The following FHDC1 variants were observed in gnomAD, a reference collection of about 807,000 sequenced individuals.
FHDC1 encodes the protein FH2 domain containing 1.
FHDC1 carries 25 observed loss-of-function variants against 52.6 expected under a neutral mutation model. That is an observed-to-expected ratio of 0.48 (90% CI 0.35 to 0.66). The LOEUF is 0.66. FHDC1 is among the 30% of genes least tolerant of loss of function. The pLI is 0.01. For missense variants in FHDC1, 1,459 were observed against 1,452.8 expected (o/e 1.00, Z -0.07); for synonymous variants, 616 against 581.5 (o/e 1.06, Z -0.85).
upstream of FHDC1, among the ~76,000 whole-genome samples, chr4:152,935,550 G>A (rs747933534): frequency 6.6e-6 from 1 of 152,132 alleles, no homozygotes; most frequent in African/African-American, 2.4e-5. Flanking sequence ...ATGAGGCCTG[G>A]CAAAATTTTT....
At chr4:152,968,204 T>A in intron 10 of FHDC1, 107 bp downstream of exon 10, 1 of 762,422 alleles carries the variant, frequency 1.3e-6, no homozygotes, top group South Asian at 1.8e-5. Flanking sequence ...TTCCCATTCA[T>A]ATTTTTTTTC....
intron 9 of FHDC1, among the ~76,000 whole-genome samples, chr4:152,967,324 G>A (rs1164130146): frequency 2.6e-5 from 4 of 152,114 alleles, no homozygotes. Context: ...CTACTCTGGA[G>A]GCTGAGGCAT....
At chr4:152,972,328 C>T (rs766582745) in intron 10 of FHDC1, 49 bp from the exon 11 acceptor site, 2 of 1,541,012 alleles carry the variant, frequency 1.3e-6, no homozygotes, top group East Asian at 4.7e-5. Flanking sequence ...CCAGCGCCGC[C>T]TCAGCTGACA....
intron 4 of FHDC1, among the ~76,000 whole-genome samples, chr4:152,956,925 C>T (rs1308707116): frequency 6.6e-6 from 1 of 152,118 alleles, no homozygotes; most frequent in Non-Finnish European, 1.5e-5. Flanking sequence ...CTTCCTAAAC[C>T]CTCCCGGGTA....
the FHDC1 span, chr4:152,928,243 A>C: frequency 4.2e-6 from 3 of 706,386 alleles, no homozygotes; most frequent in Non-Finnish European, 7.8e-6. Flanking sequence ...CTCCTCCCCA[A>C]TGGTAGATCG....
intron 2 of FHDC1, among the ~76,000 whole-genome samples, chr4:152,946,320 A>G (rs977459273): frequency 6.6e-6 from 1 of 152,250 alleles, no homozygotes; most frequent in Non-Finnish European, 1.5e-5. Flanking sequence ...GTATTCAAGT[A>G]TGATAAATAG....
At chr4:152,964,872 A>G in intron 8 of FHDC1, 33 bp from the exon 9 acceptor site, 4 of 1,549,910 alleles carry the variant, frequency 2.6e-6, no homozygotes, top group Non-Finnish European at 3.5e-6. Flanking sequence ...AGTTTTATCA[A>G]CATAGTGAGA....
At chr4:152,921,628 T>G in the FHDC1 span, among the ~76,000 whole-genome samples, 2 of 145,190 alleles carry the variant, frequency 1.4e-5, no homozygotes, top group African/African-American at 5.0e-5. Flanking sequence ...CTTTTTCCCT[T>G]CCTTCCTTTT....
chr4:152,915,170 C>G, the FHDC1 span, among the ~76,000 whole-genome samples: 1 of 152,158 alleles, frequency 6.6e-6, no homozygotes, highest in Non-Finnish European at 1.5e-5. Flanking sequence ...AGACATTCAG[C>G]TCTTAAGAAA....
the FHDC1 span, among the ~76,000 whole-genome samples, chr4:152,914,244 CCCACTTGAA>C: frequency 6.6e-6 from 1 of 152,134 alleles, no homozygotes; most frequent in Non-Finnish European, 1.5e-5. Context: ...GTTCTATGTT[CCCACTTGAA>C]GGTTTCCTGT....
chr4:152,913,051 T>C, the FHDC1 span, among the ~76,000 whole-genome samples: 1 of 152,214 alleles, frequency 6.6e-6, no homozygotes, highest in Admixed American at 6.5e-5. Context: ...TTAAACTGAC[T>C]TAGCCAACCC....
intron 1 of FHDC1, among the ~76,000 whole-genome samples, chr4:152,939,028 T>C (rs1034448262): frequency 6.6e-6 from 1 of 152,152 alleles, no homozygotes; most frequent in Non-Finnish European, 1.5e-5. Flanking sequence ...ATGAAGCCTA[T>C]ATACTCTTTT....
chr4:152,944,284 T>C lies in FHDC1; in HGVS notation c.498+729T>C, dbSNP rs73863316. ...GTATTACAGAAACTGCATCAAAAAT[T>C]ACATTTATAAGTATTGTCAGTTTAG... On this transcript the variant is annotated intron_variant, in intron 2 of 11. Transcript: ENST00000511601. 4.3e-3 allele frequency among the ~76,000 whole-genome samples: 652 copies of C among 152,216 alleles called. 4 individuals carry two copies. The highest frequency in any genetic ancestry group is 0.015 in the African/African-American group (610 of 41,518).
At chr4:152,931,151 G>A in the FHDC1 span, among the ~76,000 whole-genome samples, 7 of 152,186 alleles carry the variant, frequency 4.6e-5, no homozygotes, top group East Asian at 9.6e-4. Flanking sequence ...TAAACCCATA[G>A]CAAAAGAAAC....
chr4:152,976,798 G>GGCA lies in FHDC1; in HGVS notation c.*79_*81dup. On this transcript the variant is annotated 3_prime_UTR_variant, in exon 12 of 12. Coordinates refer to ENST00000511601, the MANE Select transcript of FHDC1 (RefSeq NM_001371116.1). ...CTTCTGGGACGAGGATGGGGAAAGA[G>GGCA]GCAGCATGTCTTTGTTACAGATAAA... 1 of 1,435,890 alleles carries GGCA rather than the reference G, an allele frequency of 7.0e-7. No individual in the cohort carries two copies. Among genetic ancestry groups the GGCA allele is most frequent in the Non-Finnish European group, 9.2e-7 (1 of 1,090,140 alleles). 88.9% of individuals were successfully genotyped at this position (1,435,890 alleles called of 1,614,324 possible).
chr4:152,934,783 AGACTT>A (rs887736085), upstream of FHDC1, among the ~76,000 whole-genome samples: 1 of 152,338 alleles, frequency 6.6e-6, no homozygotes, highest in Admixed American at 6.5e-5. Context: ...ATGGGTCACC[AGACTT>A]GACTTCTCAA....
chr4:152,964,771 G>A (rs1028317614), intron 8 of FHDC1, 134 bp from the exon 9 acceptor site: 5 of 667,054 alleles, frequency 7.5e-6, no homozygotes, highest in African/African-American at 5.5e-5. Context: ...CAGAGTTCAT[G>A]TCTCAGTGAA....
the FHDC1 span, among the ~76,000 whole-genome samples, chr4:152,923,938 T>C: frequency 6.6e-6 from 1 of 152,158 alleles, no homozygotes. Flanking sequence ...ATTCAGGACA[T>C]AGGTATGGGC....
intron 4 of FHDC1, among the ~76,000 whole-genome samples, chr4:152,955,669 G>A (rs113592715): frequency 2.0e-4 from 31 of 152,202 alleles, no homozygotes; most frequent in African/African-American, 7.2e-4. Context: ...TTAGAGATGG[G>A]ATTTCACCAT....
Sources: gnomAD v4.1 joint callset for allele counts (sites outside exome capture counted in the v4.1 genomes callset) on GRCh38, gnomAD v4.1.1 for gene constraint, MANE v1.5 for transcripts, NCBI Gene and HGNC (gene_info 2026-07-23, HGNC 2026-07-21) for gene names.